The following SLC4A7 variants were observed in gnomAD, a reference collection of about 807,000 sequenced individuals.
The protein encoded by SLC4A7 is solute carrier family 4 member 7, also known as sodium bicarbonate cotransporter 3.
In SLC4A7, 51 loss-of-function variants were observed where a neutral mutation model predicts 137.6. The observed-to-expected ratio is 0.37, with a 90% CI of 0.30 to 0.47. The LOEUF (loss-of-function observed/expected upper bound fraction) is 0.47, where lower values mean the gene tolerates loss of function less well. SLC4A7 is among the 20% of genes least tolerant of loss of function. The probability of loss-of-function intolerance (pLI) is 1.00; values close to 1 mark genes in which losing one functional copy is unlikely to be tolerated. For missense variants in SLC4A7, 1,247 were observed against 1,525.4 expected, an observed-to-expected ratio of 0.82 and a Z score of 3.04; for synonymous variants, 542 against 518.6, an observed-to-expected ratio of 1.05 and a Z score of -0.61.
In SLC4A7 at chr3:27,436,555, G is replaced by A. The variant is rs79996170; in HGVS notation, c.429-7C>T. 2.0e-3 allele frequency: 3,107 copies of A among 1,569,568 alleles called. 73 individuals are homozygous for A. The East Asian group carries it at 0.054, about 27-fold the overall frequency. ...CTCTTCAAATTTCAGCCATCTGAAT[G>A]CATAATGTATAAAAATATTTTATAA... On this transcript the variant is annotated splice_polypyrimidine_tract_variant and splice_region_variant and intron_variant, in intron 4 of 25. Transcript: ENST00000454389.
intron 7 of SLC4A7, among the ~76,000 whole-genome samples, chr3:27,430,432 G>C (rs2056148540): frequency 6.6e-6 from 1 of 151,822 alleles, no homozygotes; most frequent in African/African-American, 2.4e-5. Context: ...AGACCAGCCT[G>C]GGCAACATGG....
chr3:27,393,872 T>C (rs1196006234), intron 20 of SLC4A7, among the ~76,000 whole-genome samples: 4 of 152,166 alleles, frequency 2.6e-5, no homozygotes, highest in South Asian at 4.1e-4. Context: ...GATGGAGTCA[T>C]AGGTGAAAGA....
At chr3:27,448,108 A>T (rs920604149) in intron 3 of SLC4A7, among the ~76,000 whole-genome samples, 1 of 150,670 alleles carries the variant, frequency 6.6e-6, no homozygotes, top group Non-Finnish European at 1.5e-5. Flanking sequence ...GCTACTTGGG[A>T]GGCTGAGGCA....
At position 27,394,989 on chromosome 3, in the gene SLC4A7, C is replaced by T; in HGVS notation, c.2830G>A (p.Ala944Thr). The T allele has an allele frequency of 1.9e-6, 3 of 1,602,030 alleles. No homozygotes were observed. The highest frequency in any genetic ancestry group is 2.5e-6 in the Non-Finnish European group (3 of 1,177,136). ...TGTTCCTTTCTGTTTATAATTACAGCTGTGATTTGTTGATCCATAAAGATG... is the reference window on the plus strand; with the variant it reads ...TGTTCCTTTCTGTTTATAATTACAGTTGTGATTTGTTGATCCATAAAGATG... ...ILIFMDQQIT[A>T]VIINRKEHKL... The change falls in exon 19 of 26, where the codon GCT becomes ACT. Residue 944 changes from alanine (A) to threonine (T), a missense_variant. This residue lies in a region of SLC4A7 where 48 missense variants were observed against 97.2 expected (regional missense o/e 0.49). Coordinates refer to ENST00000454389, the MANE Select transcript of SLC4A7 (RefSeq NM_001321103.2).
At chr3:27,466,856 CAA>C (rs973401788) in intron 1 of SLC4A7, among the ~76,000 whole-genome samples, 1 of 151,460 alleles carries the variant, frequency 6.6e-6, no homozygotes, top group Admixed American at 6.6e-5. Flanking sequence ...GACTCCATCT[CAA>C]GAAAAAAAAA....
At chr3:27,407,670 T>C (rs1194738083) in intron 13 of SLC4A7, among the ~76,000 whole-genome samples, 1 of 152,004 alleles carries the variant, frequency 6.6e-6, no homozygotes, top group Admixed American at 6.5e-5. Context: ...CCTCAAAACC[T>C]CTAGTTTGGT....
intron 11 of SLC4A7, among the ~76,000 whole-genome samples, chr3:27,414,586 T>C (rs184002193): frequency 1.8e-4 from 27 of 152,336 alleles, no homozygotes; most frequent in Admixed American, 1.5e-3. Flanking sequence ...CCTTGTTTCC[T>C]TCAGTACCCA....
intron 1 of SLC4A7, among the ~76,000 whole-genome samples, chr3:27,475,698 TC>T (rs2059435149): frequency 2.0e-5 from 3 of 152,264 alleles, no homozygotes; most frequent in African/African-American, 7.2e-5. Context: ...CAAAATCTTA[TC>T]CCGAGGATAC....
At chr3:27,460,937 A>G (rs1281256011) in intron 1 of SLC4A7, among the ~76,000 whole-genome samples, 1 of 152,170 alleles carries the variant, frequency 6.6e-6, no homozygotes, top group Admixed American at 6.5e-5. Flanking sequence ...GACTCCCAGT[A>G]GACCTTTACA....
chr3:27,407,435 G>A (rs1314959978), intron 13 of SLC4A7, among the ~76,000 whole-genome samples: 3 of 148,744 alleles, frequency 2.0e-5, no homozygotes, highest in South Asian at 4.3e-4. Flanking sequence ...AGCTGAGATC[G>A]CGCCACTGCA....
At chr3:27,465,971 G>GA (rs2058974235) in intron 1 of SLC4A7, among the ~76,000 whole-genome samples, 2 of 139,588 alleles carry the variant, frequency 1.4e-5, no homozygotes, top group East Asian at 4.2e-4. Flanking sequence ...AAAAAAGAAA[G>GA]AAAGAAAGAA....
At chr3:27,442,186 T>C (rs959676699) in intron 3 of SLC4A7, among the ~76,000 whole-genome samples, 10 of 152,182 alleles carry the variant, frequency 6.6e-5, no homozygotes, top group African/African-American at 2.2e-4. Context: ...ACTCCTGGCA[T>C]TGATTGTAGT....
chr3:27,404,134 G>T (rs1347374557), intron 14 of SLC4A7, among the ~76,000 whole-genome samples: 1 of 152,232 alleles, frequency 6.6e-6, no homozygotes, highest in African/African-American at 2.4e-5. Context: ...ACTTGGGGAG[G>T]CCGAGGCAGG....
intron 3 of SLC4A7, 137 bp from the exon 4 acceptor site, chr3:27,437,663 A>G (rs146255730): frequency 2.3e-6 from 1 of 427,864 alleles, no homozygotes; most frequent in African/African-American, 2.0e-5. Flanking sequence ...TAATTATTGA[A>G]CTATCACAAT....
chr3:27,405,259 T>C (rs2053222881), intron 13 of SLC4A7, among the ~76,000 whole-genome samples: 1 of 152,096 alleles, frequency 6.6e-6, no homozygotes, highest in Non-Finnish European at 1.5e-5. Context: ...ACTTTTTGAG[T>C]GCCAATACGA....
At position 27,409,421 on chromosome 3, in the gene SLC4A7, A is replaced by G; in HGVS notation, c.1876T>C (p.Cys626Arg). 4 of 1,613,924 alleles carry G rather than the reference A, an allele frequency of 2.5e-6. No individual in the cohort carries two copies. The highest frequency in any genetic ancestry group is 3.4e-6 in the Non-Finnish European group (4 of 1,179,834). ...GTGATTACAGGAGACATACAGGCAC[A>G]GTATAGGAAAAGAATCGAGGCCAGG... ...QCLASILFLY[C>R]ACMSPVITFG... Residue 626 changes from cysteine to arginine, a missense_variant, in exon 13 of 26, where the codon TGT (cysteine) becomes CGT (arginine). Physicochemically the swap from Cys to Arg is radical, Grantham distance 180 (BLOSUM62 -3). This residue lies in a region of SLC4A7 where 499 missense variants were observed against 664.2 expected (regional missense o/e 0.75). Transcript: ENST00000454389.
At chr3:27,436,713 A>G (rs2056765092) in intron 4 of SLC4A7, among the ~76,000 whole-genome samples, 165 bp from the exon 5 acceptor site, 1 of 152,026 alleles carries the variant, frequency 6.6e-6, no homozygotes, top group Non-Finnish European at 1.5e-5. Context: ...TACAATATCT[A>G]TAGTCACAAA....
chr3:27,391,788 C>G lies in SLC4A7; in HGVS notation c.3138G>C (p.Leu1046=), dbSNP rs536505321. The G allele has an allele frequency of 6.3e-7, 1 of 1,596,550 alleles. No homozygotes were observed. The highest frequency in any genetic ancestry group is 1.3e-5 in the African/African-American group (1 of 74,512). ...SVLKFIPMPV[L]YGVFLYMGVS... Reference sequence around the variant, plus strand: ...CTCCCATATAAAGGAAAACACCATACAGAACAGGCATTGGAATAAACTGTA... The same window carrying G: ...CTCCCATATAAAGGAAAACACCATAGAGAACAGGCATTGGAATAAACTGTA... Residue 1046 remains leucine, a synonymous_variant, in exon 21 of 26, where the codon CTG becomes CTC. Coordinates refer to ENST00000454389, the MANE Select transcript of SLC4A7 (RefSeq NM_001321103.2).
At chr3:27,454,500 C>A (rs2058287822) in intron 1 of SLC4A7, among the ~76,000 whole-genome samples, 1 of 152,152 alleles carries the variant, frequency 6.6e-6, no homozygotes, top group Admixed American at 6.6e-5. Context: ...AAAAACAAGA[C>A]AGACAAATTA....
Sources: allele counts gnomAD v4.1 joint callset (sites outside exome capture counted in the v4.1 genomes callset), GRCh38; gene constraint gnomAD v4.1.1; regional missense constraint gnomAD v4.1.1; transcripts MANE v1.5; gene names NCBI Gene and HGNC (gene_info 2026-07-23, HGNC 2026-07-21).